Variants in AKAP13 observed in about 807,000 individuals in gnomAD.
AKAP13 encodes A-kinase anchor protein 13.
AKAP13 carries 80 observed loss-of-function variants against 264.5 expected under a neutral mutation model. That is an observed-to-expected ratio of 0.30 (90% CI 0.25 to 0.36). The LOEUF is 0.36. Ranked by LOEUF, AKAP13 falls within the 10% of genes least tolerant of loss-of-function variation. The pLI is 1.00. For synonymous variants in AKAP13, 1,380 were observed against 1,250.2 expected (o/e 1.10, Z -2.19); for missense variants, 3,712 against 3,435.2 (o/e 1.08, Z -2.01).
At chr15:85,439,874 G>A (rs1344386829) in intron 1 of AKAP13, among the ~76,000 whole-genome samples, 1 of 149,004 alleles carries the variant, frequency 6.7e-6, no homozygotes, top group Non-Finnish European at 1.5e-5. Context: ...AATGCTAGAT[G>A]ACGAGTTAGT....
intron 4 of AKAP13, chr15:85,536,122 A>C (rs1380844806): frequency 1.3e-5 from 2 of 152,082 alleles, no homozygotes; most frequent in African/African-American, 2.4e-5. Context: ...TTTGGGCCTT[A>C]ACTTCCTTGT....
intron 5 of AKAP13, among the ~76,000 whole-genome samples, chr15:85,564,601 C>G (rs958429165): frequency 6.6e-6 from 1 of 152,166 alleles, no homozygotes; most frequent in Non-Finnish European, 1.5e-5. Context: ...GGATCACACA[C>G]TGGATTTAGT....
chr15:85,406,457 GTACCTATTTTATA>G (rs765927436), intron 1 of AKAP13, among the ~76,000 whole-genome samples: 4 of 146,740 alleles, frequency 2.7e-5, no homozygotes, highest in Admixed American at 6.7e-5. Flanking sequence ...GGGAAAAACA[GTACCTATTTTATA>G]TACCATATTG....
intron 3 of AKAP13, among the ~76,000 whole-genome samples, chr15:85,523,014 T>G (rs1567103568): frequency 6.7e-6 from 1 of 148,520 alleles, no homozygotes; most frequent in African/African-American, 2.5e-5. Context: ...ATGAGGTGCC[T>G]CATCACAGCA....
intron 2 of AKAP13, among the ~76,000 whole-genome samples, chr15:85,491,489 ATATATATTTAT>A (rs1304729811): frequency 1.0e-5 from 1 of 96,184 alleles, no homozygotes; most frequent in East Asian, 2.1e-4. Context: ...GTATATATTT[ATATATATTTAT>A]TATATATTAT....
At chr15:85,489,552 C>G (rs1160460180) in intron 2 of AKAP13, among the ~76,000 whole-genome samples, 4 of 152,082 alleles carry the variant, frequency 2.6e-5, no homozygotes, top group Admixed American at 6.5e-5. Context: ...TGCACCTGGA[C>G]AAAGAAATAA....
chr15:85,499,246 C>T (rs1021639514), intron 2 of AKAP13, among the ~76,000 whole-genome samples: 1 of 152,032 alleles, frequency 6.6e-6, no homozygotes, highest in African/African-American at 2.4e-5. Context: ...TAAGAGATAG[C>T]AGTGATTTTC....
At chr15:85,644,548 T>G (rs2082460462) in intron 9 of AKAP13, among the ~76,000 whole-genome samples, 1 of 150,778 alleles carries the variant, frequency 6.6e-6, no homozygotes, top group Admixed American at 6.6e-5. Context: ...GCCATGACTT[T>G]TATCCTTAAA....
chr15:85,628,758 T>C (rs1003558010), intron 8 of AKAP13, among the ~76,000 whole-genome samples: 6 of 152,216 alleles, frequency 3.9e-5, no homozygotes, highest in Non-Finnish European at 8.8e-5. Context: ...TAATGCCTTA[T>C]TTTCTAAATA....
intron 8 of AKAP13, chr15:85,621,206 G>A (rs1176445783): frequency 6.6e-6 from 1 of 152,142 alleles, no homozygotes; most frequent in Non-Finnish European, 1.5e-5. Context: ...GGCTCAGAAG[G>A]CTAGACACAA....
At chr15:85,521,662 A>G in intron 3 of AKAP13, 87 bp downstream of exon 3, 2 of 1,440,744 alleles carry the variant, frequency 1.4e-6, no homozygotes. Flanking sequence ...TGACAGGAAG[A>G]GTGAAGTGTA....
chr15:85,744,499 C>CTT, intron 36 of AKAP13, 129 bp from the exon 37 acceptor site: 1 of 966,052 alleles, frequency 1.0e-6, no homozygotes, highest in Non-Finnish European at 1.7e-6. Flanking sequence ...CCCCGGTGCG[C>CTT]AGAAGAGTTA....
At chr15:85,472,150 G>T (rs1596285923) in intron 1 of AKAP13, among the ~76,000 whole-genome samples, 1 of 151,660 alleles carries the variant, frequency 6.6e-6, no homozygotes, top group East Asian at 1.9e-4. Flanking sequence ...CAATGCTATG[G>T]TGAAGAATTG....
chr15:85,633,617 T>C lies in AKAP13; in HGVS notation c.4162-5757T>C, dbSNP rs549037589. ...GGAGTGCAGTGGCACAATCTCGGCT[T>C]ACTGCAAGCTGAGCCTCCCGGGTTC... On this transcript the variant is annotated intron_variant, in intron 8 of 36. Transcript: ENST00000394518. 6.2e-4 allele frequency among the ~76,000 whole-genome samples: 92 copies of C among 147,372 alleles called. 1 individual carries two copies. Among genetic ancestry groups the C allele is most frequent in the Admixed American group, 1.1e-3 (16 of 14,552 alleles).
chr15:85,527,566 A>G (rs16940964), intron 3 of AKAP13, among the ~76,000 whole-genome samples: 19,168 of 152,220 alleles, frequency 0.13, 1,453 homozygotes, highest in East Asian at 0.31. Context: ...TGTGGGCTGG[A>G]ATATAGCGGA....
rs536080045 is a variant in AKAP13 at position 85,483,550 on chromosome 15, C to T, written c.-11-2160C>T. Among the ~76,000 whole-genome samples, 124 of 143,714 alleles carry T rather than the reference C, an allele frequency of 8.6e-4. 7 individuals carry two copies. The highest frequency in any genetic ancestry group is 3.2e-3 in the African/African-American group (117 of 36,796). The allele number at this position is 143,714 out of a possible 152,430, so 94.3% of individuals were successfully genotyped here. On this transcript the variant is annotated intron_variant, in intron 1 of 36. Transcript: ENST00000394518. ...CTGAGGCAGGATAATGGCGTGAACCCGGGAAGCGGAGCTTGCAGTGAGCCG... is the reference window on the plus strand; with the variant it reads ...CTGAGGCAGGATAATGGCGTGAACCTGGGAAGCGGAGCTTGCAGTGAGCCG...
Position 85,579,154 on chromosome 15 carries a change from G to A in AKAP13, c.1086G>A (p.Glu362=), listed in dbSNP as rs775253086. ...GTGATTTGTCAAGCATAGTTGAGGA[G>A]GAGAATACAGACCGTTCCTGTAGGA... The part of the protein sequence containing the change: ...SPCDLSSIVE[E]ENTDRSCRKK... The change falls in exon 7 of 37, where the codon GAG becomes GAA. Residue 362 remains glutamate, a synonymous_variant. Transcript: ENST00000394518. The A allele has an allele frequency of 4.3e-5, 69 of 1,614,024 alleles. No homozygotes were observed. Among genetic ancestry groups the A allele is most frequent in the Admixed American group, 1.5e-4 (9 of 59,990 alleles).
intron 29 of AKAP13, among the ~76,000 whole-genome samples, chr15:85,729,313 CA>C (rs200239291): frequency 3.3e-5 from 5 of 149,820 alleles, no homozygotes; most frequent in Non-Finnish European, 7.4e-5. Flanking sequence ...GACTCTGTCT[CA>C]AAAAAAAAGA....
intron 1 of AKAP13, among the ~76,000 whole-genome samples, chr15:85,452,533 G>A (rs2074129187): frequency 6.8e-6 from 1 of 146,600 alleles, no homozygotes; most frequent in African/African-American, 2.5e-5. Flanking sequence ...ATTGAGTATG[G>A]TCAATAGACT....
Sources: allele counts gnomAD v4.1 joint callset (sites outside exome capture counted in the v4.1 genomes callset), GRCh38; gene constraint gnomAD v4.1.1; transcripts MANE v1.5; gene names NCBI Gene and HGNC (gene_info 2026-07-23, HGNC 2026-07-21).